The following PDE4D variants were observed in gnomAD, a reference collection of about 807,000 sequenced individuals.
PDE4D encodes phosphodiesterase 4D.
PDE4D carries 24 observed loss-of-function variants against 87.4 expected under a neutral mutation model. The observed-to-expected ratio is 0.27, with a 90% CI of 0.20 to 0.39. PDE4D has a LOEUF of 0.39. Among genes scored for constraint, PDE4D ranks in the 10% least tolerant of loss-of-function variants. The pLI is 1.00. For synonymous variants in PDE4D, 384 were observed against 383.2 expected (o/e 1.00, Z -0.02); for missense variants, 714 against 1,041.0 (o/e 0.69, Z 4.32).
At chr5:59,593,098 TG>T (rs1173486281) in intron 1 of PDE4D, among the ~76,000 whole-genome samples, 3 of 151,570 alleles carry the variant, frequency 2.0e-5, no homozygotes, top group Non-Finnish European at 4.4e-5. Context: ...GGAATCAAAA[TG>T]GAAAAAAAAG....
chr5:59,223,964 C>A (rs1472447735), intron 1 of PDE4D, among the ~76,000 whole-genome samples: 1 of 151,612 alleles, frequency 6.6e-6, no homozygotes, highest in Non-Finnish European at 1.5e-5. Flanking sequence ...CACGTTTTAC[C>A]CTTTGTTTTC....
At chr5:59,691,612 G>A (rs1015416326) in intron 1 of PDE4D, among the ~76,000 whole-genome samples, 6 of 151,682 alleles carry the variant, frequency 4.0e-5, no homozygotes, top group South Asian at 2.1e-4. Context: ...GTAGATATAC[G>A]TAATGTAAAT....
chr5:59,968,999 C>A (rs568364862), intron 3 of PDE4D, among the ~76,000 whole-genome samples: 3 of 134,638 alleles, frequency 2.2e-5, no homozygotes, highest in South Asian at 2.5e-4. Context: ...GCACCCCCCC[C>A]CCGAAAAAAA....
At chr5:59,250,846 G>C (rs1233120409) in intron 1 of PDE4D, among the ~76,000 whole-genome samples, 1 of 152,072 alleles carries the variant, frequency 6.6e-6, no homozygotes, top group South Asian at 2.1e-4. Flanking sequence ...TAGACCAATG[G>C]ATCAGAATAG....
intron 11 of PDE4D, among the ~76,000 whole-genome samples, chr5:58,980,805 AGTGTGT>A (rs145941562): frequency 6.6e-6 from 1 of 151,902 alleles, no homozygotes; most frequent in Non-Finnish European, 1.5e-5. Context: ...CATATGTATG[AGTGTGT>A]GTGTGTATGT....
At chr5:59,200,975 A>G (rs1477842864) in intron 2 of PDE4D, among the ~76,000 whole-genome samples, 1 of 152,108 alleles carries the variant, frequency 6.6e-6, no homozygotes, top group African/African-American at 2.4e-5. Context: ...AATGAACCAT[A>G]AAAATTATAC....
chr5:59,095,646 T>C (rs1450081375), intron 5 of PDE4D, among the ~76,000 whole-genome samples: 2 of 152,182 alleles, frequency 1.3e-5, no homozygotes, highest in East Asian at 3.9e-4. Flanking sequence ...CTGATATCAC[T>C]TCAAGTCTAC....
chr5:60,172,295 C>CAT lies in PDE4D; in HGVS notation c.42+13261_42+13262insAT, dbSNP rs1345173755. Among the ~76,000 whole-genome samples, 4 of 151,272 alleles carry CAT rather than the reference C, an allele frequency of 2.6e-5. No homozygotes were observed. In the East Asian group the frequency reaches 7.8e-4, roughly 29 times the overall value. On this transcript the variant is annotated intron_variant, in intron 2 of 16. Transcript: ENST00000502484. ...ACACACACACACACACACACACACACACACAAATATGCAAAATATTTGAAC... is the reference window on the plus strand; with the variant it reads ...ACACACACACACACACACACACACACATACACAAATATGCAAAATATTTGAAC...
chr5:59,609,152 A>G (rs1219778281), intron 1 of PDE4D, among the ~76,000 whole-genome samples: 1 of 152,114 alleles, frequency 6.6e-6, no homozygotes, highest in Non-Finnish European at 1.5e-5. Context: ...ATATGTCATA[A>G]AAGGCAGGAT....
At chr5:59,865,385 T>C (rs1746864636) in intron 1 of PDE4D, among the ~76,000 whole-genome samples, 1 of 152,182 alleles carries the variant, frequency 6.6e-6, no homozygotes, top group Non-Finnish European at 1.5e-5. Context: ...ATTTAGATTT[T>C]CAGGATTAAA....
intron 2 of PDE4D, among the ~76,000 whole-genome samples, chr5:60,037,848 A>T (rs1467398810): frequency 6.6e-6 from 1 of 152,204 alleles, no homozygotes; most frequent in Non-Finnish European, 1.5e-5. Flanking sequence ...AGCAACCCTA[A>T]AATATTTTAA....
At chr5:60,313,588 G>A (rs912393839) in intron 1 of PDE4D, among the ~76,000 whole-genome samples, 1 of 152,130 alleles carries the variant, frequency 6.6e-6, no homozygotes, top group South Asian at 2.1e-4. Flanking sequence ...ATTTTATGAG[G>A]CCAGCATCAT....
intron 1 of PDE4D, among the ~76,000 whole-genome samples, chr5:59,417,331 T>C (rs1217143552): frequency 6.6e-6 from 1 of 151,894 alleles, no homozygotes; most frequent in Non-Finnish European, 1.5e-5. Flanking sequence ...GATAAAGAAA[T>C]CCATTACAAA....
At chr5:59,616,853 C>G (rs934026975) in intron 1 of PDE4D, among the ~76,000 whole-genome samples, 7 of 138,298 alleles carry the variant, frequency 5.1e-5, no homozygotes, top group Non-Finnish European at 7.7e-5. Flanking sequence ...ATCTATACCT[C>G]TATACGTATT....
In PDE4D at chr5:59,985,124, G is replaced by GTTTTTTTTTTTTTTTTTTTT. The variant is rs762506771; in HGVS notation, c.272+3363_272+3364insAAAAAAAAAAAAAAAAAAAA. Among the ~76,000 whole-genome samples the GTTTTTTTTTTTTTTTTTTTT allele has an allele frequency of 2.2e-4, 25 of 111,340 alleles. 6 individuals carry two copies. Among genetic ancestry groups the GTTTTTTTTTTTTTTTTTTTT allele is most frequent in the Middle Eastern group, 4.7e-3 (1 of 214 alleles). The allele number at this position is 111,340 out of a possible 152,430, so 73.0% of individuals were successfully genotyped here. A position where few individuals can be genotyped will look rare whatever the true frequency, so the allele number is the denominator to read the frequency against. On this transcript the variant is annotated intron_variant, in intron 3 of 16. Transcript: ENST00000502484. Reference sequence around the variant, plus strand: ...AATATAAGCCCGAACTTCACCTTTCGTTTTTTGTTTTTTGTTTTTTGTTTT... The same window carrying GTTTTTTTTTTTTTTTTTTTT: ...AATATAAGCCCGAACTTCACCTTTCGTTTTTTTTTTTTTTTTTTTTTTTTTTGTTTTTTGTTTTTTGTTTT...
chr5:59,550,423 C>T (rs1817921795), intron 1 of PDE4D, among the ~76,000 whole-genome samples: 1 of 152,060 alleles, frequency 6.6e-6, no homozygotes, highest in South Asian at 2.1e-4. Flanking sequence ...CATAGTGTGA[C>T]TTGAATTCTC....
intron 1 of PDE4D, among the ~76,000 whole-genome samples, chr5:60,241,140 G>C (rs1011331760): frequency 2.6e-5 from 4 of 151,652 alleles, no homozygotes; most frequent in African/African-American, 9.7e-5. Flanking sequence ...TACAAAGAAG[G>C]AATTTAGAAT....
chr5:60,262,259 T>C (rs1200262983), intron 1 of PDE4D: 1 of 152,190 alleles, frequency 6.6e-6, no homozygotes, highest in Non-Finnish European at 1.5e-5. Context: ...ATGCTTGGTC[T>C]GATAACTAAT....
At chr5:59,918,370 A>AATAGATTT (rs1754302058) in intron 3 of PDE4D, among the ~76,000 whole-genome samples, 1 of 152,162 alleles carries the variant, frequency 6.6e-6, no homozygotes, top group Admixed American at 6.5e-5. Flanking sequence ...CAAAGCCTGA[A>AATAGATTT]ATAGATTTTC....
Sources: allele counts gnomAD v4.1 joint callset (sites outside exome capture counted in the v4.1 genomes callset), GRCh38; gene constraint gnomAD v4.1.1; transcripts MANE v1.5; gene names NCBI Gene and HGNC (gene_info 2026-07-23, HGNC 2026-07-21).